Variants in CHN2 observed in about 807,000 individuals in gnomAD.
The protein encoded by CHN2 is chimerin 2.
In CHN2, 35 loss-of-function variants were observed where a neutral mutation model predicts 56.3. The observed-to-expected ratio is 0.62, with a 90% CI of 0.47 to 0.82. The LOEUF is 0.82. Ranked by LOEUF, CHN2 falls within the 40% of genes least tolerant of loss-of-function variation. The pLI is 0.00. For synonymous variants in CHN2, 210 were observed against 212.8 expected (o/e 0.99, Z 0.12); for missense variants, 491 against 580.5 (o/e 0.85, Z 1.58).
At chr7:29,271,702 T>G (rs1790658244) in intron 1 of CHN2, among the ~76,000 whole-genome samples, 1 of 152,222 alleles carries the variant, frequency 6.6e-6, no homozygotes, top group African/African-American at 2.4e-5. Context: ...TGTGAATTAT[T>G]TAGGGCTTTC....
rs190176484 is a variant in CHN2, at chr7:29,227,059, G to T, written c.49+32069G>T. ...CTATGGCAATATGGGACATGATGCT[G>T]TCATTTTGTTAGACTATTCTAGGCC... is the stretch of plus-strand genomic sequence containing the variant. On this transcript the variant is annotated intron_variant, in intron 1 of 12. Transcript: ENST00000222792. 1.5e-3 allele frequency among the ~76,000 whole-genome samples: 236 copies of T among 152,300 alleles called. 1 individual carries two copies. Among genetic ancestry groups the T allele is most frequent in the African/African-American group, 5.3e-3 (221 of 41,576 alleles).
At chr7:29,435,050 C>G (rs755956394) in intron 6 of CHN2, among the ~76,000 whole-genome samples, 1 of 152,086 alleles carries the variant, frequency 6.6e-6, no homozygotes, top group Non-Finnish European at 1.5e-5. Flanking sequence ...CAAGATTGCA[C>G]CACTGCACTC....
At chr7:29,313,503 G>A (rs548927962) in intron 1 of CHN2, among the ~76,000 whole-genome samples, 29 of 152,206 alleles carry the variant, frequency 1.9e-4, no homozygotes, top group Admixed American at 4.6e-4. Flanking sequence ...GGCCCTACCC[G>A]AGGCCCCACA....
chr7:29,388,883 T>C (rs1267962489), intron 3 of CHN2, among the ~76,000 whole-genome samples: 1 of 152,146 alleles, frequency 6.6e-6, no homozygotes, highest in African/African-American at 2.4e-5. Context: ...ACTGAGCCCA[T>C]CTCCAGTAGT....
intron 1 of CHN2, among the ~76,000 whole-genome samples, chr7:29,279,401 A>G (rs187978893): frequency 5.8e-4 from 89 of 152,394 alleles, no homozygotes; most frequent in Middle Eastern, 3.4e-3. Context: ...AACAGTTCAT[A>G]TGCACGAAGT....
rs552483860 is a variant in CHN2, at chr7:29,256,311, TTATCTC to T, written c.49+61324_49+61329del. Among the ~76,000 whole-genome samples, 44 of 152,378 alleles carry T rather than the reference TTATCTC, an allele frequency of 2.9e-4. 1 individual carries two copies. The South Asian group carries it at 8.9e-3, about 31-fold the overall frequency. ...AATCATGTGACAGTATGAGAACACT[TTATCTC>T]TAATAAAGCTGGAGTGTAATGACTC... On this transcript the variant is annotated intron_variant, in intron 1 of 12. Transcript: ENST00000222792.
intron 3 of CHN2, among the ~76,000 whole-genome samples, chr7:29,370,194 C>T (rs370204790): frequency 2.6e-4 from 39 of 152,304 alleles, no homozygotes; most frequent in African/African-American, 9.4e-4. Flanking sequence ...ATTCCCAAGC[C>T]TCCCAGGAGT....
chr7:29,281,269 CT>C (rs1253790562), intron 1 of CHN2, among the ~76,000 whole-genome samples: 1 of 144,102 alleles, frequency 6.9e-6, no homozygotes, highest in Admixed American at 7.0e-5. Flanking sequence ...TTCTTTTTTC[CT>C]CTTTTTTTTG....
chr7:29,495,423 T>G (rs986193501), intron 7 of CHN2, among the ~76,000 whole-genome samples: 1 of 152,228 alleles, frequency 6.6e-6, no homozygotes, highest in Non-Finnish European at 1.5e-5. Flanking sequence ...CAGGCCTTAT[T>G]GGTTGCCTCC....
At chr7:29,222,709 A>G (rs1785899138) in intron 1 of CHN2, among the ~76,000 whole-genome samples, 1 of 152,216 alleles carries the variant, frequency 6.6e-6, no homozygotes, top group Admixed American at 6.5e-5. Flanking sequence ...TGCAATCCCA[A>G]TAAAAATCAG....
chr7:29,366,069 G>A (rs1799134234), intron 2 of CHN2, among the ~76,000 whole-genome samples: 2 of 152,174 alleles, frequency 1.3e-5, no homozygotes, highest in South Asian at 2.1e-4. Context: ...ACTGATCTCA[G>A]AATTCCCAGA....
intron 1 of CHN2, among the ~76,000 whole-genome samples, chr7:29,281,750 A>T (rs1255397492): frequency 6.6e-6 from 1 of 152,098 alleles, no homozygotes; most frequent in Admixed American, 6.5e-5. Flanking sequence ...GTCAGGGGAG[A>T]CACCGTACAG....
intron 8 of CHN2, among the ~76,000 whole-genome samples, chr7:29,498,629 T>C (rs1789563988): frequency 6.6e-6 from 1 of 152,152 alleles, no homozygotes; most frequent in South Asian, 2.1e-4. Flanking sequence ...TGTGTGCACG[T>C]GTGTGTTATT....
intron 6 of CHN2, among the ~76,000 whole-genome samples, chr7:29,433,085 C>T (rs1259350077): frequency 1.3e-5 from 2 of 152,194 alleles, no homozygotes; most frequent in Non-Finnish European, 2.9e-5. Context: ...AGGGCTATTT[C>T]TTTCATTCAG....
intron 1 of CHN2, among the ~76,000 whole-genome samples, chr7:29,242,990 A>C (rs1204286756): frequency 6.6e-6 from 1 of 151,996 alleles, no homozygotes; most frequent in Non-Finnish European, 1.5e-5. Context: ...TTATTTATAT[A>C]ATTGACAAGC....
intron 11 of CHN2, among the ~76,000 whole-genome samples, chr7:29,508,668 T>C (rs1234167338): frequency 6.6e-6 from 1 of 152,062 alleles, no homozygotes; most frequent in Non-Finnish European, 1.5e-5. Context: ...TTTCTTTGAG[T>C]AGCTGCCAGT....
At chr7:29,296,884 T>G (rs1793204810) in intron 1 of CHN2, among the ~76,000 whole-genome samples, 1 of 152,218 alleles carries the variant, frequency 6.6e-6, no homozygotes, top group Admixed American at 6.5e-5. Context: ...CCTGAATTCA[T>G]GCACAAACTT....
intron 1 of CHN2, among the ~76,000 whole-genome samples, chr7:29,234,125 G>A (rs1046725661): frequency 9.9e-5 from 15 of 152,044 alleles, no homozygotes; most frequent in African/African-American, 1.2e-4. Context: ...GAGCCACCGC[G>A]CCCGGCCAAC....
chr7:29,353,157 T>C (rs766535416), intron 1 of CHN2, among the ~76,000 whole-genome samples: 9 of 152,210 alleles, frequency 5.9e-5, no homozygotes, highest in Non-Finnish European at 1.3e-4. Flanking sequence ...GAAATGAGCA[T>C]GGGAGGCATT....
Sources: gnomAD v4.1 joint callset for allele counts (sites outside exome capture counted in the v4.1 genomes callset) on GRCh38, gnomAD v4.1.1 for gene constraint, MANE v1.5 for transcripts, NCBI Gene and HGNC (gene_info 2026-07-23, HGNC 2026-07-21) for gene names.